XKR4: variants seen among roughly 807,000 people sequenced by gnomAD.
XKR4 encodes XK related 4, also known as XK-related protein 4.
Under a neutral mutation model 53.9 loss-of-function variants are expected in XKR4, and 12 were observed. That is an observed-to-expected ratio of 0.22 (90% confidence interval 0.14 to 0.36). The LOEUF is 0.36. Ranked by LOEUF, XKR4 falls within the 10% of genes least tolerant of loss-of-function variation. The pLI, the probability that XKR4 is intolerant of heterozygous loss-of-function variation, is 1.00. For missense variants in XKR4, 799 were observed against 859.5 expected, an observed-to-expected ratio of 0.93 and a Z score of 0.88; for synonymous variants, 354 against 362.4, an observed-to-expected ratio of 0.98 and a Z score of 0.26.
intron 1 of XKR4, among the ~76,000 whole-genome samples, chr8:55,275,998 C>A (rs539607147): frequency 2.0e-5 from 3 of 152,168 alleles, no homozygotes; most frequent in African/African-American, 7.2e-5. Context: ...CATTTTGATG[C>A]CTTGTTTACA....
At chr8:55,420,760 G>A (rs980979595) in intron 2 of XKR4, among the ~76,000 whole-genome samples, 9 of 151,482 alleles carry the variant, frequency 5.9e-5, no homozygotes, top group Non-Finnish European at 1.0e-4. Context: ...CATTGTGCAC[G>A]TGTACCCTAA....
intron 2 of XKR4, among the ~76,000 whole-genome samples, chr8:55,381,170 G>A (rs2129387484): frequency 6.6e-6 from 1 of 152,204 alleles, no homozygotes; most frequent in South Asian, 2.1e-4. Context: ...TTCATTTCAA[G>A]ATGAAAAAAT....
At position 55,501,209 on chromosome 8, in the gene XKR4, T is replaced by A. The variant is rs1240359455; in HGVS notation, c.1007-22072T>A. ...TAGTACTCAGCGACAGTGTACAACT[T>A]CCGCTTGAACTGTTAAGTTTATTAG... On this transcript the variant is annotated intron_variant, in intron 2 of 2. Transcript: ENST00000327381. Among the ~76,000 whole-genome samples, 7 of 152,358 alleles carry A rather than the reference T, an allele frequency of 4.6e-5. No homozygotes were observed. In the East Asian group the frequency reaches 1.3e-3, roughly 29 times the overall value.
At chr8:55,156,006 CT>C (rs751153610) in intron 1 of XKR4, among the ~76,000 whole-genome samples, 3 of 152,162 alleles carry the variant, frequency 2.0e-5, no homozygotes, top group Non-Finnish European at 4.4e-5. Flanking sequence ...TCTTAAGACA[CT>C]GCTAGAGACT....
At chr8:55,285,795 C>A (rs1818900223) in intron 1 of XKR4, among the ~76,000 whole-genome samples, 1 of 152,118 alleles carries the variant, frequency 6.6e-6, no homozygotes, top group South Asian at 2.1e-4. Flanking sequence ...GTTCTATGGG[C>A]CCATAGGGGC....
At chr8:55,232,053 A>C (rs189395679) in intron 1 of XKR4, among the ~76,000 whole-genome samples, 2 of 152,304 alleles carry the variant, frequency 1.3e-5, no homozygotes, top group East Asian at 3.9e-4. Flanking sequence ...AAAGAAAGAC[A>C]TGGGTGGTTC....
intron 2 of XKR4, chr8:55,452,025 T>A (rs1318573772): frequency 1.3e-6 from 1 of 762,452 alleles, no homozygotes; most frequent in Non-Finnish European, 2.4e-6. Context: ...CTTAACCAGG[T>A]TCCAGGACAG....
chr8:55,121,067 A>T (rs1241999115), intron 1 of XKR4, among the ~76,000 whole-genome samples: 1 of 152,232 alleles, frequency 6.6e-6, no homozygotes, highest in Non-Finnish European at 1.5e-5. Context: ...TTAATGCTGA[A>T]TAATATTCTG....
intron 2 of XKR4, among the ~76,000 whole-genome samples, chr8:55,478,240 A>G (rs929607674): frequency 1.3e-5 from 2 of 152,162 alleles, no homozygotes; most frequent in African/African-American, 4.8e-5. Context: ...AGTGGGGGCC[A>G]ATATTCAACA....
chr8:55,464,546 A>G (rs1322449435), intron 2 of XKR4, among the ~76,000 whole-genome samples: 16 of 152,152 alleles, frequency 1.1e-4, no homozygotes, highest in Admixed American at 9.2e-4. Context: ...AACTGGAAGC[A>G]TTGAAACTTG....
chr8:55,373,433 C>G (rs763047998), intron 2 of XKR4, among the ~76,000 whole-genome samples: 1 of 152,178 alleles, frequency 6.6e-6, no homozygotes. Context: ...TCCCAAAGTA[C>G]TAGGATTACA....
chr8:55,364,284 G>C (rs1458056004), intron 2 of XKR4, among the ~76,000 whole-genome samples: 1 of 152,166 alleles, frequency 6.6e-6, no homozygotes, highest in Non-Finnish European at 1.5e-5. Context: ...TCTATCTGAC[G>C]CGCGAGTCTT....
At chr8:55,120,894 C>T (rs765710914) in intron 1 of XKR4, among the ~76,000 whole-genome samples, 5 of 152,220 alleles carry the variant, frequency 3.3e-5, no homozygotes, top group Non-Finnish European at 7.3e-5. Context: ...CCACAAACTC[C>T]TGGCAATGAC....
In XKR4 at chr8:55,102,402, C is replaced by T; in HGVS notation, c.-87C>T. Reference sequence around the variant, plus strand: ...GAGCCGCACCGCCTGGGAGGGAAGCCGGGGCGAGGCGAGGAGGTGGCGGGA... The same window carrying T: ...GAGCCGCACCGCCTGGGAGGGAAGCTGGGGCGAGGCGAGGAGGTGGCGGGA... On this transcript the variant is annotated 5_prime_UTR_variant, in exon 1 of 3. Transcript: ENST00000327381. This position sits in a 1 kb window ranked among gnomAD's most constrained non-coding sequence, Gnocchi z 5.1. 3 of 1,419,968 alleles carry T rather than the reference C, an allele frequency of 2.1e-6. No homozygotes were observed. The highest frequency in any genetic ancestry group is 1.5e-5 in the African/African-American group (1 of 67,392). 88.0% of individuals were successfully genotyped at this position (1,419,968 alleles called of 1,614,324 possible). A position where few individuals can be genotyped will look rare whatever the true frequency, so the allele number is the denominator to read the frequency against.
rs1807073658 is a variant in XKR4, at chr8:55,539,542, T to C, written c.*15315T>C. On this transcript the variant is annotated 3_prime_UTR_variant, in exon 3 of 3. Coordinates refer to ENST00000327381, the MANE Select transcript of XKR4 (RefSeq NM_052898.2). ...ATATCTAATGCATGGTATTAAACTT[T>C]CTGAAGCATGAATTTAACCTAGGCA... 1 of 152,224 alleles carries C rather than the reference T, an allele frequency of 6.6e-6. No individual in the cohort carries two copies. The highest frequency in any genetic ancestry group is 6.5e-5 in the Admixed American group (1 of 15,280). The allele number at this position is 152,224 out of a possible 1,614,324, so 9.4% of individuals were successfully genotyped here.
intron 2 of XKR4, among the ~76,000 whole-genome samples, chr8:55,358,981 G>C (rs1334546174): frequency 6.6e-6 from 1 of 152,236 alleles, no homozygotes; most frequent in Admixed American, 6.5e-5. Context: ...AAGAGAAAAT[G>C]TGTATTGGTA....
At chr8:55,468,292 G>A (rs186511654) in intron 2 of XKR4, among the ~76,000 whole-genome samples, 47 of 152,152 alleles carry the variant, frequency 3.1e-4, no homozygotes, top group South Asian at 8.3e-4. Context: ...AGGACGCAGC[G>A]TGTCAACTTC....
At chr8:55,431,506 A>G (rs1448501988) in intron 2 of XKR4, among the ~76,000 whole-genome samples, 1 of 152,248 alleles carries the variant, frequency 6.6e-6, no homozygotes, top group African/African-American at 2.4e-5. Context: ...GATTTCAGAA[A>G]GCAGATTATC....
At chr8:55,199,548 G>T (rs79007473) in intron 1 of XKR4, among the ~76,000 whole-genome samples, 3,155 of 152,252 alleles carry the variant, frequency 0.021, 124 homozygotes, top group African/African-American at 0.069. Flanking sequence ...GTGCAGATGA[G>T]GGGGAACAGA....
Sources: allele counts gnomAD v4.1 joint callset (sites outside exome capture counted in the v4.1 genomes callset), GRCh38; gene constraint gnomAD v4.1.1; non-coding constraint Gnocchi (gnomAD v3.1); transcripts MANE v1.5; gene names NCBI Gene and HGNC (gene_info 2026-07-23, HGNC 2026-07-21).